NEDD4: variants seen among roughly 807,000 people sequenced by gnomAD.
NEDD4 encodes E3 ubiquitin-protein ligase NEDD4.
NEDD4 carries 99 observed loss-of-function variants against 144.9 expected under a neutral mutation model. The ratio of observed to expected loss-of-function variants is 0.68; its 90% CI spans 0.58 to 0.81. NEDD4 has a LOEUF of 0.81. Ranked by LOEUF, NEDD4 falls within the 30% of genes least tolerant of loss-of-function variation. The pLI is 0.00. For missense variants in NEDD4, 985 were observed against 1,065.9 expected (o/e 0.92, Z 1.06); for synonymous variants, 318 against 350.6 (o/e 0.91, Z 1.04).
At chr15:55,974,282 C>G (rs1328806816) in intron 1 of NEDD4, among the ~76,000 whole-genome samples, 1 of 152,098 alleles carries the variant, frequency 6.6e-6, no homozygotes, top group Non-Finnish European at 1.5e-5. Flanking sequence ...AGTAAAGTCT[C>G]CCAGCAAAGA....
At chr15:55,950,958 G>C (rs2037227807) in intron 4 of NEDD4, among the ~76,000 whole-genome samples, 1 of 152,172 alleles carries the variant, frequency 6.6e-6, no homozygotes, top group Non-Finnish European at 1.5e-5. Context: ...ATTGGAATTT[G>C]CTTTTATGGT....
chr15:55,920,595 C>G (rs1281160949), intron 5 of NEDD4, among the ~76,000 whole-genome samples: 1 of 152,300 alleles, frequency 6.6e-6, no homozygotes, highest in East Asian at 1.9e-4. Context: ...GCAAATATCA[C>G]TTACATTACA....
At chr15:55,882,427 A>G (rs2142094309) in intron 5 of NEDD4, among the ~76,000 whole-genome samples, 1 of 152,302 alleles carries the variant, frequency 6.6e-6, no homozygotes, top group African/African-American at 2.4e-5. Flanking sequence ...CACAGTGGAA[A>G]GCAACACCAG....
chr15:55,947,106 G>T (rs2037130306), intron 4 of NEDD4, among the ~76,000 whole-genome samples: 2 of 152,116 alleles, frequency 1.3e-5, no homozygotes. Context: ...AACTAGAGAA[G>T]CAAGAGCAAA....
At chr15:55,963,455 T>C (rs749545515) in intron 2 of NEDD4, among the ~76,000 whole-genome samples, 1 of 152,192 alleles carries the variant, frequency 6.6e-6, no homozygotes, top group Non-Finnish European at 1.5e-5. Flanking sequence ...TTATTTTTTA[T>C]TGGTTTCTCT....
intron 5 of NEDD4, among the ~76,000 whole-genome samples, chr15:55,920,560 G>A (rs1189247698): frequency 2.6e-5 from 4 of 152,112 alleles, no homozygotes; most frequent in Non-Finnish European, 5.9e-5. Context: ...GGAAAAAAGT[G>A]ATATAAGCCT....
At chr15:55,892,266 CAATAAATAAATA>C (rs138951402) in intron 5 of NEDD4, among the ~76,000 whole-genome samples, 27,507 of 137,870 alleles carry the variant, frequency 0.2, 2,953 homozygotes, top group Admixed American at 0.24. Context: ...AACTCCAACT[CAATAAATAAATA>C]AATAAATAAA....
intron 2 of NEDD4, among the ~76,000 whole-genome samples, chr15:55,954,468 T>C (rs1037690220): frequency 1.3e-5 from 2 of 152,078 alleles, no homozygotes; most frequent in African/African-American, 4.8e-5. Flanking sequence ...ATCCCTAATC[T>C]CACCATCCAG....
intron 4 of NEDD4, among the ~76,000 whole-genome samples, chr15:55,949,994 C>A: frequency 2.0e-5 from 3 of 149,292 alleles, no homozygotes; most frequent in Admixed American, 2.0e-4. Flanking sequence ...AAAAATGTAA[C>A]AAAATAAGTA....
At chr15:55,969,183 G>A (rs1253892631) in intron 1 of NEDD4, among the ~76,000 whole-genome samples, 5 of 152,138 alleles carry the variant, frequency 3.3e-5, no homozygotes, top group East Asian at 1.9e-4. Flanking sequence ...CTGCCCTGTC[G>A]CAGTGGAAGG....
intron 4 of NEDD4, among the ~76,000 whole-genome samples, chr15:55,939,503 T>C (rs1474382552): frequency 1.3e-5 from 2 of 151,740 alleles, no homozygotes; most frequent in Non-Finnish European, 2.9e-5. Context: ...AACGGACTAA[T>C]ACAAGCAACA....
At chr15:55,898,008 A>G (rs2035792233) in intron 5 of NEDD4, among the ~76,000 whole-genome samples, 1 of 152,228 alleles carries the variant, frequency 6.6e-6, no homozygotes, top group South Asian at 2.1e-4. Flanking sequence ...CCATGATATT[A>G]TAACCCTGAT....
At chr15:55,869,124 G>T (rs2034686063) in intron 8 of NEDD4, among the ~76,000 whole-genome samples, 3 of 152,082 alleles carry the variant, frequency 2.0e-5, no homozygotes, top group Non-Finnish European at 4.4e-5. Flanking sequence ...ACATACAGAA[G>T]GCTCTTTATT....
intron 5 of NEDD4, among the ~76,000 whole-genome samples, chr15:55,896,484 C>T (rs2035743299): frequency 6.6e-6 from 1 of 152,092 alleles, no homozygotes; most frequent in African/African-American, 2.4e-5. Flanking sequence ...TACCTGGCCA[C>T]AATGCCATTT....
At chr15:55,848,318 G>A in intron 17 of NEDD4, 54 bp downstream of exon 17, 1 of 1,552,080 alleles carries the variant, frequency 6.4e-7, no homozygotes. Context: ...ATCTGCTCTT[G>A]AAGAGACAGG....
intron 4 of NEDD4, among the ~76,000 whole-genome samples, chr15:55,947,536 C>CA (rs1301812458): frequency 1.1e-4 from 17 of 152,000 alleles, no homozygotes; most frequent in African/African-American, 4.1e-4. Context: ...GCCTACCAAC[C>CA]AAAAAAAGTC....
intron 5 of NEDD4, chr15:55,916,135 T>C (rs750015988): frequency 5.6e-6 from 9 of 1,613,862 alleles, no homozygotes; most frequent in African/African-American, 1.3e-5. Flanking sequence ...AAAGGATCTG[T>C]ACTTGTACTT....
At chr15:55,971,423 G>A (rs899898798) in intron 1 of NEDD4, among the ~76,000 whole-genome samples, 65 of 152,086 alleles carry the variant, frequency 4.3e-4, no homozygotes, top group African/African-American at 8.9e-4. Context: ...TCAGGAGTTC[G>A]AGACTAGTCT....
chr15:55,872,439 T>G lies in NEDD4; in HGVS notation c.380A>C (p.Lys127Thr), dbSNP rs760883663. ...CCTTCTTGGATGAAGAACAAAATCC[T>G]TAAATGTATATGGTCTCTCCAATCT... ...NPRLERPYTF[K>T]DFVLHPRSHK... is the part of the protein sequence containing the mutation. Residue 127 changes from lysine (K) to threonine (T), a missense_variant, in exon 7 of 29, where the codon AAG becomes ACG. Physicochemically the swap from Lys to Thr is moderately conservative, Grantham distance 78 (BLOSUM62 -1). Coordinates refer to ENST00000435532, the MANE Select transcript of NEDD4 (RefSeq NM_006154.4). The G allele has an allele frequency of 1.4e-6, 2 of 1,473,724 alleles. No individual in the cohort carries two copies. Among genetic ancestry groups the G allele is most frequent in the Non-Finnish European group, 1.8e-6 (2 of 1,097,736 alleles). The allele number at this position is 1,473,724 out of a possible 1,614,324, so 91.3% of individuals were successfully genotyped here. A position where few individuals can be genotyped will look rare whatever the true frequency, so the allele number is the denominator to read the frequency against.
Sources: gnomAD v4.1 joint callset for allele counts (sites outside exome capture counted in the v4.1 genomes callset) on GRCh38, gnomAD v4.1.1 for gene constraint, MANE v1.5 for transcripts, NCBI Gene and HGNC (gene_info 2026-07-23, HGNC 2026-07-21) for gene names.